EYS: variants seen among roughly 807,000 people sequenced by gnomAD.
EYS encodes EGF-like photoreceptor maintenance factor.
A neutral mutation model predicts 282.1 loss-of-function variants in EYS; 250 were observed. The ratio of observed to expected loss-of-function variants is 0.89; its 90% confidence interval spans 0.80 to 0.98. The LOEUF (loss-of-function observed/expected upper bound fraction) is 0.98, where lower values mean the gene tolerates loss of function less well. EYS is among the 50% of genes least tolerant of loss of function. EYS has a pLI of 0.00. For synonymous variants in EYS, 1,355 were observed against 1,282.9 expected (o/e 1.06, Z -1.20); for missense variants, 4,016 against 3,709.0 (o/e 1.08, Z -2.15).
chr6:64,100,084 AGATATTTCT>A (rs1772774806), intron 31 of EYS, among the ~76,000 whole-genome samples: 1 of 152,140 alleles, frequency 6.6e-6, no homozygotes, highest in African/African-American at 2.4e-5. Flanking sequence ...TTACCTGTGC[AGATATTTCT>A]AGACTGATAT....
Position 64,590,606 on chromosome 6 carries a change from G to T in EYS, c.5261C>A (p.Pro1754Gln). ...TGAATATGTCTTTAAAGTAACATCC[G>T]GATAAATTTGTAAGTTTAACTCAAA... is the stretch of plus-strand genomic sequence containing the variant. ...LDFELNLQIY[P>Q]DVTLKTYSEI... Residue 1754 changes from proline to glutamine, a missense_variant, in exon 26 of 43, where the codon CCG becomes CAG. Coordinates refer to ENST00000503581, the MANE Select transcript of EYS (RefSeq NM_001142800.2). 2 of 1,551,184 alleles carry T rather than the reference G, an allele frequency of 1.3e-6. No individual in the cohort carries two copies. The highest frequency in any genetic ancestry group is 1.7e-6 in the Non-Finnish European group (2 of 1,146,696).
At chr6:64,939,894 A>T (rs748448900) in intron 15 of EYS, among the ~76,000 whole-genome samples, 1 of 152,126 alleles carries the variant, frequency 6.6e-6, no homozygotes, top group Non-Finnish European at 1.5e-5. Flanking sequence ...AGATCACAAA[A>T]ACTAGGCTAA....
At chr6:64,118,370 C>T (rs564894211) in intron 31 of EYS, among the ~76,000 whole-genome samples, 1 of 152,114 alleles carries the variant, frequency 6.6e-6, no homozygotes, top group South Asian at 2.1e-4. Flanking sequence ...ATATAAAATG[C>T]AGAAATAAAT....
intron 13 of EYS, among the ~76,000 whole-genome samples, chr6:65,022,698 T>A (rs1260965393): frequency 6.7e-6 from 1 of 149,046 alleles, no homozygotes; most frequent in Non-Finnish European, 1.5e-5. Context: ...TTAATATATA[T>A]TATTTTTTAA....
chr6:64,071,589 C>CTTTG (rs201532771), intron 32 of EYS, among the ~76,000 whole-genome samples: 15,393 of 150,156 alleles, frequency 0.1, 1,416 homozygotes, highest in African/African-American at 0.25. Context: ...TCAGCTAAAT[C>CTTTG]TTAAAGAATA....
chr6:64,177,504 G>C (rs1277417481), intron 31 of EYS, among the ~76,000 whole-genome samples: 1 of 151,776 alleles, frequency 6.6e-6, no homozygotes, highest in Non-Finnish European at 1.5e-5. Context: ...TTAATCCCTT[G>C]AATTAATTAA....
intron 19 of EYS, among the ~76,000 whole-genome samples, chr6:64,836,205 G>A (rs1382777681): frequency 6.7e-6 from 1 of 150,082 alleles, no homozygotes; most frequent in Non-Finnish European, 1.5e-5. Context: ...TTCATTTGGT[G>A]ACATGGTCTT....
At chr6:63,935,498 G>A (rs1765032481) in intron 35 of EYS, among the ~76,000 whole-genome samples, 1 of 152,160 alleles carries the variant, frequency 6.6e-6, no homozygotes. Context: ...GTTAGGATGG[G>A]CTTTCATCTA....
At chr6:64,724,460 A>T (rs370035533) in intron 22 of EYS, among the ~76,000 whole-genome samples, 1 of 152,218 alleles carries the variant, frequency 6.6e-6, no homozygotes, top group Admixed American at 6.5e-5. Flanking sequence ...TTCATATTTC[A>T]CAGACTCTTA....
At chr6:63,878,666 C>G (rs1773045256) in intron 35 of EYS, among the ~76,000 whole-genome samples, 1 of 152,208 alleles carries the variant, frequency 6.6e-6, no homozygotes, top group Admixed American at 6.5e-5. Flanking sequence ...CTACTCAAGC[C>G]TCCGCCATGG....
intron 5 of EYS, among the ~76,000 whole-genome samples, chr6:65,458,022 C>T (rs1305676141): frequency 6.6e-6 from 1 of 152,096 alleles, no homozygotes; most frequent in Admixed American, 6.6e-5. Context: ...CTTCATCCCT[C>T]CCCACTCATA....
At chr6:64,740,657 A>T (rs113546226) in intron 22 of EYS, among the ~76,000 whole-genome samples, 3 of 152,018 alleles carry the variant, frequency 2.0e-5, no homozygotes, top group South Asian at 2.1e-4. Flanking sequence ...CTGTCATTGC[A>T]CAGTAACTTT....
At chr6:64,610,200 G>T (rs1582951242) in intron 24 of EYS, among the ~76,000 whole-genome samples, 1 of 152,070 alleles carries the variant, frequency 6.6e-6, no homozygotes, top group East Asian at 1.9e-4. Context: ...AAAATGTTAA[G>T]CCATTACTTT....
At chr6:65,477,075 A>G (rs990816843) in intron 5 of EYS, among the ~76,000 whole-genome samples, 3 of 152,224 alleles carry the variant, frequency 2.0e-5, no homozygotes, top group African/African-American at 7.2e-5. Context: ...GCCAGCTTCT[A>G]AAACTGTCAT....
chr6:65,263,513 TA>T (rs1313093254), intron 12 of EYS, among the ~76,000 whole-genome samples: 1 of 152,050 alleles, frequency 6.6e-6, no homozygotes, highest in Non-Finnish European at 1.5e-5. Context: ...TAATAAAAAC[TA>T]AAAATTAAAA....
At chr6:65,171,254 T>C (rs995851085) in intron 12 of EYS, among the ~76,000 whole-genome samples, 1 of 151,612 alleles carries the variant, frequency 6.6e-6, no homozygotes, top group Non-Finnish European at 1.5e-5. Flanking sequence ...GCCTTCTAAT[T>C]ACCCTTACAA....
chr6:64,090,193 T>C (rs183245827), intron 31 of EYS, among the ~76,000 whole-genome samples: 1 of 152,238 alleles, frequency 6.6e-6, no homozygotes, highest in East Asian at 1.9e-4. Context: ...ATAGCTACCA[T>C]TCTCTCTCTA....
At chr6:65,251,025 T>A (rs1253120262) in intron 12 of EYS, among the ~76,000 whole-genome samples, 13 of 75,108 alleles carry the variant, frequency 1.7e-4, no homozygotes, top group East Asian at 3.3e-4. Flanking sequence ...ATAAGAAAAA[T>A]ATAAATAACA....
At chr6:65,366,540 A>T (rs772054001) in intron 8 of EYS, among the ~76,000 whole-genome samples, 1 of 151,682 alleles carries the variant, frequency 6.6e-6, no homozygotes, top group Non-Finnish European at 1.5e-5. Flanking sequence ...TTTACATTCA[A>T]ATTTATGTGT....
Sources: gnomAD v4.1 joint callset for allele counts (sites outside exome capture counted in the v4.1 genomes callset) on GRCh38, gnomAD v4.1.1 for gene constraint, MANE v1.5 for transcripts, NCBI Gene and HGNC (gene_info 2026-07-23, HGNC 2026-07-21) for gene names.